Variants in PHACTR3 observed in about 807,000 individuals in gnomAD.
PHACTR3 encodes the protein protein phosphatase 1, regulatory subunit 123.
PHACTR3 carries 16 observed loss-of-function variants against 66.8 expected under a neutral mutation model. The ratio of observed to expected loss-of-function variants is 0.24; its 90% CI spans 0.16 to 0.36. The LOEUF is 0.36. Ranked by LOEUF, PHACTR3 falls within the 10% of genes least tolerant of loss-of-function variation. PHACTR3 has a pLI of 1.00. For synonymous variants in PHACTR3, 323 were observed against 292.1 expected, an observed-to-expected ratio of 1.11 and a Z score of -1.08; for missense variants, 647 against 719.9, an observed-to-expected ratio of 0.90 and a Z score of 1.16.
At chr20:59,598,406 G>T (rs890598729) in intron 1 of PHACTR3, among the ~76,000 whole-genome samples, 27 of 152,294 alleles carry the variant, frequency 1.8e-4, no homozygotes, top group African/African-American at 6.5e-4. Context: ...GCTCAGCGGG[G>T]CCACACAGTC....
At chr20:59,590,599 C>T (rs538284229) in intron 1 of PHACTR3, among the ~76,000 whole-genome samples, 44 of 152,342 alleles carry the variant, frequency 2.9e-4, no homozygotes, top group Non-Finnish European at 6.0e-4. Flanking sequence ...GACAGATCCA[C>T]GCCAGCCCTC....
At chr20:59,815,486 G>A (rs968285636) in intron 8 of PHACTR3, among the ~76,000 whole-genome samples, 37 of 149,968 alleles carry the variant, frequency 2.5e-4, no homozygotes, top group African/African-American at 8.7e-4. Context: ...GTGCAGTGGC[G>A]TGATCTCGGC....
At chr20:59,846,409 AACAT>A (rs2059147050) in intron 12 of PHACTR3, among the ~76,000 whole-genome samples, 1 of 152,186 alleles carries the variant, frequency 6.6e-6, no homozygotes, top group African/African-American at 2.4e-5. Flanking sequence ...TCCCATGACT[AACAT>A]ACTTTTGGGG....
chr20:59,629,196 C>T (rs915497054), intron 1 of PHACTR3, among the ~76,000 whole-genome samples: 2 of 152,228 alleles, frequency 1.3e-5, no homozygotes, highest in African/African-American at 4.8e-5. Flanking sequence ...ACTGGATGCC[C>T]ACCTGCTTCC....
At chr20:59,817,341 GCTAT>G (rs938236093) in intron 8 of PHACTR3, among the ~76,000 whole-genome samples, 8 of 152,232 alleles carry the variant, frequency 5.3e-5, no homozygotes, top group African/African-American at 1.7e-4. Context: ...ACCAGCCTGG[GCTAT>G]TTCTGAGCTG....
chr20:59,834,977 A>G (rs952482950), intron 8 of PHACTR3, among the ~76,000 whole-genome samples: 6 of 152,196 alleles, frequency 3.9e-5, no homozygotes, highest in Non-Finnish European at 8.8e-5. Flanking sequence ...AAGTTTATGA[A>G]TTTGTGTTGG....
intron 7 of PHACTR3, among the ~76,000 whole-genome samples, chr20:59,793,262 T>A (rs2041158372): frequency 6.6e-6 from 1 of 152,196 alleles, no homozygotes; most frequent in Admixed American, 6.5e-5. Flanking sequence ...CTGTAAATAT[T>A]CAGTGTCTTT....
chr20:59,607,269 A>C (rs1954655742), intron 1 of PHACTR3, among the ~76,000 whole-genome samples: 1 of 152,138 alleles, frequency 6.6e-6, no homozygotes, highest in Non-Finnish European at 1.5e-5. Flanking sequence ...GGTGTTACTC[A>C]GGGCTTTCAG....
At chr20:59,783,893 G>A (rs1160973902) in intron 7 of PHACTR3, among the ~76,000 whole-genome samples, 5 of 152,250 alleles carry the variant, frequency 3.3e-5, no homozygotes, top group Non-Finnish European at 7.3e-5. Flanking sequence ...TGGGCCAGCC[G>A]TGTGCTCTTA....
chr20:59,810,760 C>G (rs1381960989), intron 8 of PHACTR3, among the ~76,000 whole-genome samples: 2 of 152,192 alleles, frequency 1.3e-5, no homozygotes, highest in Non-Finnish European at 1.5e-5. Flanking sequence ...AGTCAGGGTC[C>G]CATTTGAAAG....
rs757041161 is a variant in PHACTR3, at chr20:59,653,186, AT to A, written c.118+48070del. 6.3e-3 allele frequency among the ~76,000 whole-genome samples: 899 copies of A among 143,774 alleles called. 5 individuals carry two copies. Among genetic ancestry groups the A allele is most frequent in the African/African-American group, 0.012 (470 of 39,368 alleles). The allele number at this position is 143,774 out of a possible 152,430, so 94.3% of individuals were successfully genotyped here. ...GTTGGTAGCTTAACCCGAGAAAGTA[AT>A]TTTTTTTTTTTTTTTGAGATGGAGT... On this transcript the variant is annotated intron_variant, in intron 1 of 12. Coordinates refer to ENST00000371015, the MANE Select transcript of PHACTR3 (RefSeq NM_080672.5).
chr20:59,582,134 C>T (rs781331646), intron 1 of PHACTR3, among the ~76,000 whole-genome samples: 2 of 152,232 alleles, frequency 1.3e-5, no homozygotes, highest in Non-Finnish European at 2.9e-5. Context: ...CCACCTTTCG[C>T]CCTTCCCCAG....
intron 1 of PHACTR3, among the ~76,000 whole-genome samples, chr20:59,725,870 G>A (rs1490759179): frequency 3.9e-5 from 6 of 152,200 alleles, no homozygotes; most frequent in Admixed American, 3.9e-4. Flanking sequence ...CTGTAGGGGT[G>A]CCCTTAGGGG....
chr20:59,751,558 G>A (rs984401251), intron 3 of PHACTR3, among the ~76,000 whole-genome samples: 1 of 152,158 alleles, frequency 6.6e-6, no homozygotes, highest in African/African-American at 2.4e-5. Flanking sequence ...CGGACTCTGG[G>A]CAGGGCCAGC....
chr20:59,839,643 CGTCT>C (rs1259909009), intron 9 of PHACTR3, among the ~76,000 whole-genome samples: 16 of 152,244 alleles, frequency 1.1e-4, no homozygotes, highest in Middle Eastern at 3.4e-3. Context: ...TCAGCACTTT[CGTCT>C]ATTTTTGGCT....
At chr20:59,693,810 C>G (rs2037195653) in intron 1 of PHACTR3, among the ~76,000 whole-genome samples, 1 of 152,200 alleles carries the variant, frequency 6.6e-6, no homozygotes, top group South Asian at 2.1e-4. Flanking sequence ...CTTCTGTACT[C>G]TTCATCTTGG....
At chr20:59,771,582 GC>G (rs1030106753) in intron 5 of PHACTR3, among the ~76,000 whole-genome samples, 2 of 143,048 alleles carry the variant, frequency 1.4e-5, no homozygotes, top group African/African-American at 5.3e-5. Flanking sequence ...GTGCCCTCTC[GC>G]CCCCCTCCCT....
intron 9 of PHACTR3, 73 bp from the exon 10 acceptor site, chr20:59,840,296 C>T (rs2059034626): frequency 1.3e-6 from 2 of 1,555,340 alleles, no homozygotes; most frequent in Non-Finnish European, 1.7e-6. Flanking sequence ...GGGAACACTT[C>T]CCTGCTGAAG....
At chr20:59,683,051 G>A (rs73303147) in intron 1 of PHACTR3, among the ~76,000 whole-genome samples, 1,707 of 152,310 alleles carry the variant, frequency 0.011, 30 homozygotes, top group African/African-American at 0.039. Flanking sequence ...GATGCTAACT[G>A]GCCACAGTGA....
Sources: gnomAD v4.1 joint callset for allele counts (sites outside exome capture counted in the v4.1 genomes callset) on GRCh38, gnomAD v4.1.1 for gene constraint, MANE v1.5 for transcripts, NCBI Gene and HGNC (gene_info 2026-07-23, HGNC 2026-07-21) for gene names.